RNLS: variants seen among roughly 807,000 people sequenced by gnomAD.
RNLS encodes renalase, FAD dependent amine oxidase, also known as renalase.
In RNLS, 39 loss-of-function variants were observed where a neutral mutation model predicts 39.8. That is an observed-to-expected ratio of 0.98 (90% CI 0.76 to 1.28). The LOEUF is 1.28. Ranked by LOEUF, RNLS falls within the 50% of genes most tolerant of loss-of-function variation. RNLS has a pLI of 0.00. For synonymous variants in RNLS, 147 were observed against 150.7 expected (o/e 0.98, Z 0.18); for missense variants, 410 against 413.3 (o/e 0.99, Z 0.07).
rs529915024 is a variant in RNLS, at chr10:88,409,299, T to G, written c.527-46574A>C. 2.6e-5 allele frequency among the ~76,000 whole-genome samples: 4 copies of G among 152,120 alleles called. No homozygotes were observed. The East Asian group carries it at 7.7e-4, about 29-fold the overall frequency. Reference sequence around the variant, plus strand: ...GATACAAAATTGAGAAAAGAACATGTGCAAGAACACACATCTAAAAGCGTT... The same window carrying G: ...GATACAAAATTGAGAAAAGAACATGGGCAAGAACACACATCTAAAAGCGTT... On this transcript the variant is annotated intron_variant, in intron 4 of 6. Coordinates refer to ENST00000331772, the MANE Select transcript of RNLS (RefSeq NM_001031709.3).
chr10:88,483,326 C>T (rs1001024422), intron 4 of RNLS, among the ~76,000 whole-genome samples: 1 of 152,174 alleles, frequency 6.6e-6, no homozygotes, highest in African/African-American at 2.4e-5. Context: ...TTGGCCACAG[C>T]CAGTAGTCTC....
intron 4 of RNLS, among the ~76,000 whole-genome samples, chr10:88,369,336 G>A (rs1392652446): frequency 6.6e-6 from 1 of 152,088 alleles, no homozygotes; most frequent in Non-Finnish European, 1.5e-5. Context: ...GCCCCTTTAT[G>A]GGCTGAATTC....
At chr10:88,393,063 T>C (rs900979963) in intron 4 of RNLS, among the ~76,000 whole-genome samples, 2 of 152,190 alleles carry the variant, frequency 1.3e-5, no homozygotes, top group African/African-American at 2.4e-5. Flanking sequence ...GAGCTATTTA[T>C]GACAAACCCA....
At chr10:88,449,132 A>G (rs989292801) in intron 4 of RNLS, among the ~76,000 whole-genome samples, 2 of 152,244 alleles carry the variant, frequency 1.3e-5, no homozygotes, top group African/African-American at 4.8e-5. Context: ...CATGTACCCT[A>G]GAACTTAAAG....
At chr10:88,497,358 T>C (rs1369500579) in intron 4 of RNLS, among the ~76,000 whole-genome samples, 1 of 152,056 alleles carries the variant, frequency 6.6e-6, no homozygotes, top group African/African-American at 2.4e-5. Context: ...GGCTTCAGAT[T>C]ACAGTAGCCC....
At chr10:88,295,187 G>T (rs553534292) in intron 6 of RNLS, among the ~76,000 whole-genome samples, 1 of 152,236 alleles carries the variant, frequency 6.6e-6, no homozygotes, top group South Asian at 2.1e-4. Flanking sequence ...ACCATACACT[G>T]AATCTTATTA....
chr10:88,211,497 G>A, the RNLS span, among the ~76,000 whole-genome samples: 1 of 152,210 alleles, frequency 6.6e-6, no homozygotes, highest in Non-Finnish European at 1.5e-5. Flanking sequence ...TAGAACTTGG[G>A]AGGGACACTG....
intron 4 of RNLS, among the ~76,000 whole-genome samples, chr10:88,437,467 T>G (rs1841475866): frequency 6.6e-6 from 1 of 152,204 alleles, no homozygotes. Flanking sequence ...ATCCAAGCTT[T>G]ATGTCTTAGG....
the RNLS span, among the ~76,000 whole-genome samples, chr10:88,203,156 T>C: frequency 3.3e-5 from 5 of 150,222 alleles, no homozygotes; most frequent in African/African-American, 1.2e-4. Flanking sequence ...GGGAATCTTA[T>C]GCTCAGCGAG....
At chr10:88,300,252 G>A (rs1844414064) in intron 6 of RNLS, among the ~76,000 whole-genome samples, 1 of 152,166 alleles carries the variant, frequency 6.6e-6, no homozygotes, top group Non-Finnish European at 1.5e-5. Flanking sequence ...AAAGAGCCCA[G>A]TGAGCTACAG....
At chr10:88,269,811 C>A (rs1406307078), downstream of RNLS, among the ~76,000 whole-genome samples, 1 of 152,152 alleles carries the variant, frequency 6.6e-6, no homozygotes, top group African/African-American at 2.4e-5. Flanking sequence ...TTGAATATAA[C>A]TTCTATGACT....
At chr10:88,512,654 A>C (rs1216851023) in intron 4 of RNLS, among the ~76,000 whole-genome samples, 1 of 152,186 alleles carries the variant, frequency 6.6e-6, no homozygotes, top group African/African-American at 2.4e-5. Context: ...TTTCCTTTAC[A>C]GTCTGGCCTG....
intron 4 of RNLS, among the ~76,000 whole-genome samples, chr10:88,443,423 C>T (rs1310217359): frequency 6.6e-6 from 1 of 152,194 alleles, no homozygotes; most frequent in African/African-American, 2.4e-5. Flanking sequence ...GCATTTCCAA[C>T]TGAGGTACCG....
intron 4 of RNLS, among the ~76,000 whole-genome samples, chr10:88,563,578 G>C (rs913014779): frequency 6.6e-6 from 1 of 152,112 alleles, no homozygotes; most frequent in Admixed American, 6.6e-5. Flanking sequence ...GGTCCAAGTT[G>C]ATGATTAGAT....
the RNLS span, among the ~76,000 whole-genome samples, chr10:88,207,788 G>A: frequency 6.6e-6 from 1 of 152,068 alleles, no homozygotes; most frequent in Non-Finnish European, 1.5e-5. Flanking sequence ...CTTTACCAGG[G>A]CCTCTGGACA....
intron 4 of RNLS, among the ~76,000 whole-genome samples, chr10:88,567,594 A>G (rs1442893479): frequency 3.9e-5 from 6 of 152,194 alleles, no homozygotes; most frequent in Non-Finnish European, 8.8e-5. Flanking sequence ...CCTACTTTAA[A>G]TGTCATTGGC....
chr10:88,242,870 C>T, the RNLS span, among the ~76,000 whole-genome samples: 2 of 152,124 alleles, frequency 1.3e-5, no homozygotes, highest in Non-Finnish European at 2.9e-5. Context: ...TTGCTTGAAC[C>T]TGGGAGGTGG....
chr10:88,197,332 T>G, the RNLS span, among the ~76,000 whole-genome samples: 1 of 152,220 alleles, frequency 6.6e-6, no homozygotes, highest in East Asian at 1.9e-4. Flanking sequence ...CCTGCTCTTC[T>G]TTGTAAGGTC....
chr10:88,402,444 A>G (rs1294130351), intron 4 of RNLS, among the ~76,000 whole-genome samples: 1 of 151,980 alleles, frequency 6.6e-6, no homozygotes. Flanking sequence ...AAAAAAACCA[A>G]TAACAGCCAT....
Sources: gnomAD v4.1 joint callset for allele counts (sites outside exome capture counted in the v4.1 genomes callset) on GRCh38, gnomAD v4.1.1 for gene constraint, MANE v1.5 for transcripts, NCBI Gene and HGNC (gene_info 2026-07-23, HGNC 2026-07-21) for gene names.